Variants in GPC5 observed in about 807,000 individuals in gnomAD.
GPC5 encodes the protein glypican 5, also known as glypican-5.
Under a neutral mutation model 53.9 loss-of-function variants are expected in GPC5, and 47 were observed. The observed-to-expected ratio is 0.87, with a 90% confidence interval of 0.69 to 1.11. The LOEUF is 1.11. GPC5 is among the 50% of genes most tolerant of loss of function. The probability of loss-of-function intolerance (pLI) is 0.00; values close to 1 mark genes in which losing one functional copy is unlikely to be tolerated. For synonymous variants in GPC5, 286 were observed against 263.3 expected (o/e 1.09, Z -0.84); for missense variants, 748 against 713.1 (o/e 1.05, Z -0.56).
intron 2 of GPC5, among the ~76,000 whole-genome samples, chr13:91,628,488 G>GTCTA (rs2034069450): frequency 6.6e-6 from 1 of 151,174 alleles, no homozygotes; most frequent in South Asian, 2.1e-4. Context: ...CTATCTGTCT[G>GTCTA]TCTGTCTGTC....
At chr13:91,612,383 C>T (rs563524645) in intron 2 of GPC5, among the ~76,000 whole-genome samples, 5 of 152,294 alleles carry the variant, frequency 3.3e-5, no homozygotes, top group East Asian at 1.9e-4. Flanking sequence ...AAAGCACAGG[C>T]ACCTTAGATT....
At chr13:91,981,427 C>G (rs1463025810) in intron 6 of GPC5, among the ~76,000 whole-genome samples, 1 of 151,922 alleles carries the variant, frequency 6.6e-6, no homozygotes, top group Non-Finnish European at 1.5e-5. Flanking sequence ...GTAGCTGGGA[C>G]TACAGGTGCC....
At chr13:92,758,912 G>C (rs187128093) in intron 7 of GPC5, among the ~76,000 whole-genome samples, 1 of 148,038 alleles carries the variant, frequency 6.8e-6, no homozygotes, top group Non-Finnish European at 1.5e-5. Flanking sequence ...TGTGTATGGT[G>C]TAAAAGAAGG....
At chr13:92,161,318 T>C (rs2041986388) in intron 7 of GPC5, among the ~76,000 whole-genome samples, 1 of 152,150 alleles carries the variant, frequency 6.6e-6, no homozygotes, top group Non-Finnish European at 1.5e-5. Flanking sequence ...CAATAAAGCT[T>C]GAGAACAACT....
At chr13:91,806,129 G>A (rs193105787) in intron 5 of GPC5, among the ~76,000 whole-genome samples, 164 of 139,298 alleles carry the variant, frequency 1.2e-3, no homozygotes, top group Non-Finnish European at 2.1e-3. Flanking sequence ...TCCACCTCCC[G>A]GATTCAAGCG....
At chr13:92,544,260 G>A (rs1882026204) in intron 7 of GPC5, among the ~76,000 whole-genome samples, 1 of 152,062 alleles carries the variant, frequency 6.6e-6, no homozygotes, top group African/African-American at 2.4e-5. Context: ...ACTAGCTAAA[G>A]CCAGGAGCAA....
At chr13:91,680,904 T>A (rs1157467671) in intron 2 of GPC5, among the ~76,000 whole-genome samples, 1 of 152,148 alleles carries the variant, frequency 6.6e-6, no homozygotes, top group Non-Finnish European at 1.5e-5. Flanking sequence ...TTTTGGAAAA[T>A]CCAGTTCTGT....
intron 5 of GPC5, among the ~76,000 whole-genome samples, chr13:91,839,075 G>A (rs773731795): frequency 2.0e-4 from 31 of 152,232 alleles, no homozygotes; most frequent in Non-Finnish European, 3.1e-4. Context: ...AGTCATTCCA[G>A]TGAGCTAATG....
chr13:92,078,856 C>T (rs1444484063), intron 6 of GPC5, among the ~76,000 whole-genome samples: 1 of 152,096 alleles, frequency 6.6e-6, no homozygotes, highest in Non-Finnish European at 1.5e-5. Context: ...CAGGATAACA[C>T]TATTCATAAT....
intron 7 of GPC5, chr13:92,241,030 C>T (rs1246917361): frequency 6.6e-6 from 1 of 151,828 alleles, no homozygotes; most frequent in Non-Finnish European, 1.5e-5. Context: ...ACATTTTTGC[C>T]CAGAACCAAG....
intron 7 of GPC5, among the ~76,000 whole-genome samples, chr13:92,464,999 C>G (rs995971549): frequency 8.6e-5 from 13 of 151,640 alleles, no homozygotes; most frequent in African/African-American, 3.1e-4. Flanking sequence ...ATAACAATGA[C>G]CAGTAAAGTG....
intron 6 of GPC5, among the ~76,000 whole-genome samples, chr13:92,004,097 TA>T (rs1276586702): frequency 6.6e-6 from 1 of 152,174 alleles, no homozygotes; most frequent in Non-Finnish European, 1.5e-5. Flanking sequence ...TTTGTTACTG[TA>T]AAAACAGTTT....
chr13:91,913,622 G>A (rs1050567569), intron 6 of GPC5, among the ~76,000 whole-genome samples: 6 of 152,128 alleles, frequency 3.9e-5, no homozygotes, highest in African/African-American at 7.2e-5. Context: ...AAACTTCAGT[G>A]TTCCTTCATT....
chr13:92,608,998 T>C (rs1177885143), intron 7 of GPC5, among the ~76,000 whole-genome samples: 1 of 152,182 alleles, frequency 6.6e-6, no homozygotes, highest in Non-Finnish European at 1.5e-5. Context: ...AAAACTGTTA[T>C]TGTTTTATTT....
At chr13:92,838,490 A>ACCGCC (rs1566439756) in intron 7 of GPC5, among the ~76,000 whole-genome samples, 112 of 148,598 alleles carry the variant, frequency 7.5e-4, no homozygotes, top group African/African-American at 2.6e-3. Context: ...GCCCCCCCCA[A>ACCGCC]AAAAAAAAAG....
rs2042813104 is a variant in GPC5 at position 92,267,843 on chromosome 13, T to C, written c.1561+122854T>C. On this transcript the variant is annotated intron_variant, in intron 7 of 7. Coordinates refer to ENST00000377067, the MANE Select transcript of GPC5 (RefSeq NM_004466.6). ...TTAAAATATTTACTATCTGACCCTATAAGAAGAAAACTCCCAACCCCTAGA... is the reference window on the plus strand; with the variant it reads ...TTAAAATATTTACTATCTGACCCTACAAGAAGAAAACTCCCAACCCCTAGA... Among the ~76,000 whole-genome samples, 4 of 152,088 alleles carry C rather than the reference T, an allele frequency of 2.6e-5. No homozygotes were observed. The South Asian group carries it at 8.3e-4, about 31-fold the overall frequency.
At chr13:91,862,511 C>A (rs1008421846) in intron 5 of GPC5, among the ~76,000 whole-genome samples, 2 of 152,072 alleles carry the variant, frequency 1.3e-5, no homozygotes, top group Admixed American at 6.6e-5. Flanking sequence ...ATGCCCACAA[C>A]GAAGAATTAT....
At chr13:91,486,592 G>A (rs957877421) in intron 2 of GPC5, 9 of 152,190 alleles carry the variant, frequency 5.9e-5, no homozygotes, top group African/African-American at 1.9e-4. Flanking sequence ...TCTAAGGCTA[G>A]CTGTCTCTTG....
At chr13:92,478,984 C>T (rs1879251165) in intron 7 of GPC5, among the ~76,000 whole-genome samples, 1 of 152,126 alleles carries the variant, frequency 6.6e-6, no homozygotes, top group Non-Finnish European at 1.5e-5. Flanking sequence ...AGCCTCTCTA[C>T]ATTTCAGTTT....
Sources: allele counts gnomAD v4.1 joint callset (sites outside exome capture counted in the v4.1 genomes callset), GRCh38; gene constraint gnomAD v4.1.1; transcripts MANE v1.5; gene names NCBI Gene and HGNC (gene_info 2026-07-23, HGNC 2026-07-21).